Variants in SLC4A4 observed in about 807,000 individuals in gnomAD.
SLC4A4 encodes the protein solute carrier family 4 member 4, also known as electrogenic sodium bicarbonate cotransporter 1.
A neutral mutation model predicts 111.5 loss-of-function variants in SLC4A4; 27 were observed. The ratio of observed to expected loss-of-function variants is 0.24; its 90% confidence interval spans 0.18 to 0.33. The LOEUF is 0.33. Among genes scored for constraint, SLC4A4 ranks in the 10% least tolerant of loss-of-function variants. SLC4A4 has a pLI of 1.00. For synonymous variants in SLC4A4, 443 were observed against 463.4 expected, an observed-to-expected ratio of 0.96 and a Z score of 0.57; for missense variants, 909 against 1,315.5, an observed-to-expected ratio of 0.69 and a Z score of 4.78.
chr4:71,369,071 C>T (rs577130596), intron 6 of SLC4A4, among the ~76,000 whole-genome samples: 1 of 152,260 alleles, frequency 6.6e-6, no homozygotes, highest in South Asian at 2.1e-4. Flanking sequence ...ACTCAGTGCC[C>T]TGCCTAGCAA....
At chr4:71,358,972 G>A (rs1578913380) in intron 6 of SLC4A4, among the ~76,000 whole-genome samples, 1 of 152,276 alleles carries the variant, frequency 6.6e-6, no homozygotes, top group Non-Finnish European at 1.5e-5. Context: ...GTGAAAAAGT[G>A]CATTGTTTTC....
At chr4:71,223,365 C>T (rs1326639681) in intron 1 of SLC4A4, among the ~76,000 whole-genome samples, 8 of 151,770 alleles carry the variant, frequency 5.3e-5, no homozygotes, top group South Asian at 4.2e-4. Context: ...TTAGCAGAGA[C>T]GGGTTTTCAC....
intron 3 of SLC4A4, among the ~76,000 whole-genome samples, chr4:71,295,404 T>C (rs973536779): frequency 6.6e-5 from 10 of 152,210 alleles, no homozygotes; most frequent in African/African-American, 2.4e-4. Flanking sequence ...GTATACATCC[T>C]TTTAAATATC....
intron 19 of SLC4A4, among the ~76,000 whole-genome samples, chr4:71,547,421 C>G (rs1428848185): frequency 6.6e-6 from 1 of 152,018 alleles, no homozygotes; most frequent in Non-Finnish European, 1.5e-5. Context: ...AGGATTACTT[C>G]TTTCTTCGTG....
At chr4:71,405,606 T>C (rs1177289137) in intron 7 of SLC4A4, among the ~76,000 whole-genome samples, 1 of 152,032 alleles carries the variant, frequency 6.6e-6, no homozygotes, top group Non-Finnish European at 1.5e-5. Flanking sequence ...GTGGAATTGC[T>C]GGATTACCGT....
At chr4:71,450,605 TAAAAA>T in intron 10 of SLC4A4, 62 bp downstream of exon 10, 1 of 1,202,732 alleles carries the variant, frequency 8.3e-7, no homozygotes, top group Non-Finnish European at 1.1e-6. Flanking sequence ...GAGGTTGTGT[TAAAAA>T]AAAAAAGTGA....
In SLC4A4 at chr4:71,114,741, C is replaced by G. The variant is rs1294836204; in HGVS notation, c.-2+21949C>G. Among the ~76,000 whole-genome samples the G allele has an allele frequency of 1.3e-3, 178 of 139,804 alleles. 3 individuals are homozygous for G. The highest frequency in any genetic ancestry group is 4.5e-3 in the African/African-American group (160 of 35,642). 91.7% of individuals were successfully genotyped at this position (139,804 alleles called of 152,430 possible). ...GAACACCTTTACACTGTTGGTGGGACTGTAAACTAGTTCAACCATTGTGGA... is the reference window on the plus strand; with the variant it reads ...GAACACCTTTACACTGTTGGTGGGAGTGTAAACTAGTTCAACCATTGTGGA... On this transcript the variant is annotated intron_variant, in intron 2 of 26. Transcript: ENST00000649996.
intron 2 of SLC4A4, among the ~76,000 whole-genome samples, chr4:71,172,538 G>A (rs980919925): frequency 6.6e-6 from 1 of 152,222 alleles, no homozygotes; most frequent in Non-Finnish European, 1.5e-5. Flanking sequence ...ACAGGCGTGA[G>A]CCACCGTGCC....
At chr4:71,433,944 C>A (rs574974132) in intron 7 of SLC4A4, among the ~76,000 whole-genome samples, 1 of 152,108 alleles carries the variant, frequency 6.6e-6, no homozygotes, top group East Asian at 1.9e-4. Flanking sequence ...GTGTGGATTT[C>A]TCTCAAAAGC....
chr4:71,072,330 A>T (rs1274644749), intron 1 of SLC4A4, among the ~76,000 whole-genome samples: 1 of 152,158 alleles, frequency 6.6e-6, no homozygotes, highest in Non-Finnish European at 1.5e-5. Flanking sequence ...TAACTAATCC[A>T]TCTTTTCCTC....
At chr4:71,165,288 G>T (rs578150380) in intron 2 of SLC4A4, among the ~76,000 whole-genome samples, 1 of 152,284 alleles carries the variant, frequency 6.6e-6, no homozygotes, top group East Asian at 1.9e-4. Flanking sequence ...CAATAGCAAA[G>T]ACTTGGAACC....
At chr4:71,401,642 A>G (rs1036465642) in intron 7 of SLC4A4, among the ~76,000 whole-genome samples, 3 of 152,168 alleles carry the variant, frequency 2.0e-5, no homozygotes, top group African/African-American at 7.2e-5. Flanking sequence ...ATTTAGTTAC[A>G]GTTTTCATGT....
At chr4:71,422,192 G>A (rs1169677378) in intron 7 of SLC4A4, among the ~76,000 whole-genome samples, 1 of 137,326 alleles carries the variant, frequency 7.3e-6, no homozygotes, top group Non-Finnish European at 1.6e-5. Flanking sequence ...ACTACCATCA[G>A]AGAATACTAC....
rs113564948 is a variant in SLC4A4, at chr4:71,302,329, C to T, written c.254-37041C>T. On this transcript the variant is annotated intron_variant, in intron 3 of 25. Transcript: ENST00000264485. Reference sequence around the variant, plus strand: ...GGACAAGTCCCTTAATGTTTCTGAACCTCTGTCTTCTTACTTATAAAATGA... The same window carrying T: ...GGACAAGTCCCTTAATGTTTCTGAATCTCTGTCTTCTTACTTATAAAATGA... Among the ~76,000 whole-genome samples the T allele has an allele frequency of 3.2e-3, 487 of 152,216 alleles. 3 individuals are homozygous for T. Among genetic ancestry groups the T allele is most frequent in the Middle Eastern group, 0.014 (4 of 294 alleles).
At chr4:71,245,211 C>T (rs1720565636) in intron 2 of SLC4A4, among the ~76,000 whole-genome samples, 1 of 152,102 alleles carries the variant, frequency 6.6e-6, no homozygotes, top group South Asian at 2.1e-4. Flanking sequence ...GGATAGGACC[C>T]AGATAACTCA....
In SLC4A4 at chr4:71,418,005, A is replaced by G. The variant is rs771001236; in HGVS notation, c.807+20352A>G. The stretch of plus-strand genomic sequence containing the variant: ...AGCTTGCTGTAAGAATTCCAGTAAC[A>G]TAGTACATATGAAAGTGTTTTAAAA... On this transcript the variant is annotated intron_variant, in intron 7 of 25. Transcript: ENST00000264485. Among the ~76,000 whole-genome samples the G allele has an allele frequency of 2.6e-5, 4 of 152,316 alleles. No individual in the cohort carries two copies. In the South Asian group the frequency reaches 8.3e-4, roughly 32 times the overall value.
intron 2 of SLC4A4, among the ~76,000 whole-genome samples, chr4:71,239,917 C>A (rs1341804086): frequency 6.6e-6 from 1 of 152,096 alleles, no homozygotes; most frequent in Non-Finnish European, 1.5e-5. Flanking sequence ...ATATTTATTT[C>A]TTTATCAAAA....
chr4:71,143,094 C>A (rs1017454838), intron 2 of SLC4A4, among the ~76,000 whole-genome samples: 5 of 152,048 alleles, frequency 3.3e-5, no homozygotes, highest in African/African-American at 4.8e-5. Flanking sequence ...GCCATCTCTC[C>A]CCCATCCCCC....
chr4:71,345,047 C>G (rs1729205400), intron 4 of SLC4A4, among the ~76,000 whole-genome samples: 1 of 152,114 alleles, frequency 6.6e-6, no homozygotes, highest in Non-Finnish European at 1.5e-5. Context: ...CCTTTTACGT[C>G]CTTTACCTGT....
Sources: allele counts gnomAD v4.1 joint callset (sites outside exome capture counted in the v4.1 genomes callset), GRCh38; gene constraint gnomAD v4.1.1; transcripts MANE v1.5; gene names NCBI Gene and HGNC (gene_info 2026-07-23, HGNC 2026-07-21).